Variants in MAGI2 observed in about 807,000 individuals in gnomAD.
MAGI2 encodes the protein membrane-associated guanylate kinase, WW and PDZ domain-containing protein 2.
MAGI2 carries 35 observed loss-of-function variants against 133.3 expected under a neutral mutation model. The ratio of observed to expected loss-of-function variants is 0.26; its 90% CI spans 0.20 to 0.35. The LOEUF (loss-of-function observed/expected upper bound fraction) is 0.35, where lower values mean the gene tolerates loss of function less well. Ranked by LOEUF, MAGI2 falls within the 10% of genes least tolerant of loss-of-function variation. The pLI, the probability that MAGI2 is intolerant of heterozygous loss-of-function variation, is 1.00. For missense variants in MAGI2, 1,636 were observed against 1,863.4 expected (o/e 0.88, Z 2.25); for synonymous variants, 729 against 710.6 (o/e 1.03, Z -0.41).
intron 2 of MAGI2, among the ~76,000 whole-genome samples, chr7:78,823,079 G>A (rs1333009704): frequency 6.6e-6 from 1 of 152,130 alleles, no homozygotes; most frequent in Non-Finnish European, 1.5e-5. Flanking sequence ...TGGCTCATTA[G>A]TTAGAATTTT....
At chr7:79,445,510 T>G (rs1848786458) in intron 1 of MAGI2, among the ~76,000 whole-genome samples, 1 of 152,152 alleles carries the variant, frequency 6.6e-6, no homozygotes, top group Admixed American at 6.5e-5. Context: ...GCAAAGGATA[T>G]GAACAGACAC....
intron 16 of MAGI2, among the ~76,000 whole-genome samples, chr7:78,157,309 C>T (rs1824494499): frequency 6.6e-6 from 1 of 152,172 alleles, no homozygotes; most frequent in African/African-American, 2.4e-5. Flanking sequence ...TATATTTCCA[C>T]TCTCCAGGGT....
At chr7:79,295,666 G>C (rs949856905) in intron 1 of MAGI2, among the ~76,000 whole-genome samples, 5 of 151,844 alleles carry the variant, frequency 3.3e-5, no homozygotes, top group African/African-American at 1.2e-4. Context: ...GTCTAGGGGA[G>C]GTGGTAGAGT....
At chr7:78,567,635 T>C (rs910436430) in intron 3 of MAGI2, among the ~76,000 whole-genome samples, 4 of 152,222 alleles carry the variant, frequency 2.6e-5, no homozygotes, top group Admixed American at 2.0e-4. Context: ...CTTCTCTCTC[T>C]CCCCTACTCA....
intron 2 of MAGI2, among the ~76,000 whole-genome samples, chr7:78,821,137 AC>A (rs1483528193): frequency 6.6e-6 from 1 of 152,048 alleles, no homozygotes; most frequent in Non-Finnish European, 1.5e-5. Context: ...TCCTAGCTGG[AC>A]ATTTTATTCG....
chr7:78,318,174 C>T (rs1268992095), intron 9 of MAGI2, among the ~76,000 whole-genome samples: 2 of 152,078 alleles, frequency 1.3e-5, no homozygotes, highest in African/African-American at 4.8e-5. Context: ...ACAAACTCCT[C>T]CAAGCTAAAG....
intron 1 of MAGI2, among the ~76,000 whole-genome samples, chr7:79,087,940 G>C (rs1007389812): frequency 6.6e-6 from 1 of 152,036 alleles, no homozygotes; most frequent in African/African-American, 2.4e-5. Context: ...GATGCCTCCA[G>C]CTTTGTTCTT....
intron 1 of MAGI2, among the ~76,000 whole-genome samples, chr7:79,218,456 G>A (rs184808345): frequency 6.2e-4 from 94 of 151,998 alleles, no homozygotes; most frequent in Non-Finnish European, 9.6e-4. Context: ...ATAGTCTAAG[G>A]CTCTGTTACT....
At chr7:78,384,276 C>T (rs1268031352) in intron 6 of MAGI2, among the ~76,000 whole-genome samples, 3 of 152,032 alleles carry the variant, frequency 2.0e-5, no homozygotes, top group African/African-American at 4.8e-5. Flanking sequence ...TTATTGATAA[C>T]CTACTATGAG....
chr7:79,160,730 T>A (rs750669964), intron 1 of MAGI2, among the ~76,000 whole-genome samples: 2 of 152,048 alleles, frequency 1.3e-5, no homozygotes, highest in Non-Finnish European at 2.9e-5. Flanking sequence ...CAACTCTCCC[T>A]ATAAAATACC....
chr7:79,309,897 G>A (rs576792505), intron 1 of MAGI2, among the ~76,000 whole-genome samples: 16 of 148,666 alleles, frequency 1.1e-4, no homozygotes, highest in African/African-American at 3.4e-4. Context: ...TTGTGAGGCC[G>A]AGGCAGGTGG....
At chr7:79,028,455 G>T (rs1221394147) in intron 1 of MAGI2, among the ~76,000 whole-genome samples, 3 of 151,052 alleles carry the variant, frequency 2.0e-5, no homozygotes, top group Non-Finnish European at 1.5e-5. Flanking sequence ...TATTTATAGT[G>T]CAGAGGTCTA....
chr7:79,451,234 A>G (rs1426034892), intron 1 of MAGI2, among the ~76,000 whole-genome samples: 1 of 152,196 alleles, frequency 6.6e-6, no homozygotes, highest in African/African-American at 2.4e-5. Context: ...GTGGGACTCT[A>G]TTAAGTCCAA....
chr7:78,229,691 T>C (rs1283797498), intron 10 of MAGI2, among the ~76,000 whole-genome samples: 1 of 152,192 alleles, frequency 6.6e-6, no homozygotes, highest in African/African-American at 2.4e-5. Context: ...TTGGAACCAG[T>C]AAGCCAGGTT....
At chr7:78,301,278 G>A (rs1216154047) in intron 9 of MAGI2, among the ~76,000 whole-genome samples, 1 of 152,084 alleles carries the variant, frequency 6.6e-6, no homozygotes, top group Non-Finnish European at 1.5e-5. Flanking sequence ...AGAAGCCAAT[G>A]CAAGAAATAT....
intron 14 of MAGI2, among the ~76,000 whole-genome samples, chr7:78,174,772 G>C (rs1307795420): frequency 6.6e-6 from 1 of 152,198 alleles, no homozygotes; most frequent in Non-Finnish European, 1.5e-5. Context: ...AGAGGGTTGT[G>C]TCTTTGAGCC....
At chr7:78,899,904 A>G (rs944885361) in intron 2 of MAGI2, among the ~76,000 whole-genome samples, 6 of 152,188 alleles carry the variant, frequency 3.9e-5, no homozygotes, top group African/African-American at 1.4e-4. Context: ...AGAGCTCAGA[A>G]ATTAGAGATT....
At chr7:78,961,069 T>C (rs1802796383) in intron 2 of MAGI2, among the ~76,000 whole-genome samples, 1 of 152,110 alleles carries the variant, frequency 6.6e-6, no homozygotes, top group Non-Finnish European at 1.5e-5. Flanking sequence ...TTTCAGGCCT[T>C]AGCTCTTGGA....
intron 1 of MAGI2, among the ~76,000 whole-genome samples, chr7:79,134,983 T>G (rs1459772392): frequency 1.3e-5 from 2 of 152,204 alleles, no homozygotes; most frequent in Non-Finnish European, 2.9e-5. Context: ...GATAGTGTTA[T>G]GGGGTTGGCT....
Sources: allele counts gnomAD v4.1 joint callset (sites outside exome capture counted in the v4.1 genomes callset), GRCh38; gene constraint gnomAD v4.1.1; transcripts MANE v1.5; gene names NCBI Gene and HGNC (gene_info 2026-07-23, HGNC 2026-07-21).